CNOT6L: variants seen among roughly 807,000 people sequenced by gnomAD.
CNOT6L encodes CCR4-NOT transcription complex subunit 6-like.
In CNOT6L, 7 loss-of-function variants were observed where a neutral mutation model predicts 64.0. The observed-to-expected ratio is 0.11, with a 90% CI of 0.06 to 0.21. CNOT6L has a LOEUF of 0.21. Ranked by LOEUF, CNOT6L falls within the 10% of genes least tolerant of loss-of-function variation. The pLI is 1.00. For missense variants in CNOT6L, 245 were observed against 669.0 expected (o/e 0.37, Z 6.99); for synonymous variants, 193 against 243.4 (o/e 0.79, Z 1.93).
At chr4:77,741,767 A>G (rs781179609) in intron 8 of CNOT6L, among the ~76,000 whole-genome samples, 4 of 152,194 alleles carry the variant, frequency 2.6e-5, no homozygotes, top group African/African-American at 7.2e-5. Context: ...TCAAAAATCA[A>G]TTATTAAAAA....
intron 1 of CNOT6L, among the ~76,000 whole-genome samples, chr4:77,779,988 CTCAATT>C (rs1435122071): frequency 6.6e-6 from 1 of 152,084 alleles, no homozygotes; most frequent in Non-Finnish European, 1.5e-5. Flanking sequence ...TAACAGAGAA[CTCAATT>C]TCAGGAAATT....
intron 4 of CNOT6L, among the ~76,000 whole-genome samples, chr4:77,772,194 G>A (rs1441536941): frequency 6.6e-6 from 1 of 152,162 alleles, no homozygotes; most frequent in Non-Finnish European, 1.5e-5. Flanking sequence ...CTAAACATGA[G>A]GCATTCTGGC....
chr4:77,817,810 T>C (rs1733744100), intron 1 of CNOT6L, among the ~76,000 whole-genome samples: 1 of 152,238 alleles, frequency 6.6e-6, no homozygotes, highest in Non-Finnish European at 1.5e-5. Flanking sequence ...TCTCTGGCCA[T>C]GACACAGAGT....
intron 8 of CNOT6L, 144 bp from the exon 9 acceptor site, chr4:77,731,682 A>G (rs1481922779): frequency 5.4e-6 from 3 of 552,762 alleles, no homozygotes; most frequent in Non-Finnish European, 6.0e-6. Flanking sequence ...ACTAAGACAC[A>G]AGAAGTCTGA....
chr4:77,813,237 ACT>A (rs1045878213), intron 1 of CNOT6L, among the ~76,000 whole-genome samples: 10 of 152,244 alleles, frequency 6.6e-5, no homozygotes, highest in African/African-American at 2.4e-4. Flanking sequence ...AGGCTATAAA[ACT>A]CTCAGGACAA....
intron 4 of CNOT6L, among the ~76,000 whole-genome samples, chr4:77,759,603 A>G (rs1725950837): frequency 6.6e-6 from 1 of 151,892 alleles, no homozygotes; most frequent in African/African-American, 2.4e-5. Flanking sequence ...AGATGGGTTG[A>G]AAGAACAACC....
intron 4 of CNOT6L, among the ~76,000 whole-genome samples, chr4:77,763,172 T>C (rs767893113): frequency 1.3e-5 from 2 of 151,856 alleles, no homozygotes; most frequent in African/African-American, 2.4e-5. Flanking sequence ...ATAACAAAAA[T>C]ACCAATAATT....
In CNOT6L at chr4:77,780,333, T is replaced by C. The variant is rs192134593; in HGVS notation, c.6-3941A>G. On this transcript the variant is annotated intron_variant, in intron 1 of 11. Transcript: ENST00000504123. ...AAGAGGCAGGTTTTTGAATTAGTTT[T>C]TCCAAGAGTTTCTAATTTCTACAAC... 2.0e-5 allele frequency among the ~76,000 whole-genome samples: 3 copies of C among 152,326 alleles called. No homozygotes were observed. In the East Asian group the frequency reaches 5.8e-4, roughly 29 times the overall value.
intron 1 of CNOT6L, among the ~76,000 whole-genome samples, chr4:77,803,221 G>GA (rs540541815): frequency 1.6e-4 from 24 of 148,364 alleles, no homozygotes; most frequent in South Asian, 4.3e-4. Flanking sequence ...AAAAAAATGT[G>GA]AAAAAAAAAA....
chr4:77,760,535 C>A (rs1215372320), intron 4 of CNOT6L, among the ~76,000 whole-genome samples: 3 of 149,424 alleles, frequency 2.0e-5, no homozygotes, highest in African/African-American at 4.9e-5. Flanking sequence ...CAAATGAAAC[C>A]CAAAGCAAGC....
chr4:77,777,152 T>C (rs1728244049), intron 1 of CNOT6L, among the ~76,000 whole-genome samples: 1 of 152,244 alleles, frequency 6.6e-6, no homozygotes, highest in African/African-American at 2.4e-5. Context: ...CTAATTAGTA[T>C]GAGTACATAT....
intron 4 of CNOT6L, among the ~76,000 whole-genome samples, chr4:77,763,016 T>A (rs1726413262): frequency 6.6e-6 from 1 of 151,898 alleles, no homozygotes; most frequent in South Asian, 2.1e-4. Context: ...ATTTCAAGAA[T>A]AAACACAAGG....
At chr4:77,820,008 C>G (rs1298448438), upstream of CNOT6L, among the ~76,000 whole-genome samples, 1 of 152,070 alleles carries the variant, frequency 6.6e-6, no homozygotes, top group East Asian at 1.9e-4. Flanking sequence ...CTCCGAGAGC[C>G]ACGCAGAGCC....
At chr4:77,744,439 A>G (rs1199800887) in intron 7 of CNOT6L, among the ~76,000 whole-genome samples, 1 of 152,184 alleles carries the variant, frequency 6.6e-6, no homozygotes, top group Non-Finnish European at 1.5e-5. Flanking sequence ...AGCAATACCA[A>G]TGATCATGAG....
At chr4:77,731,750 C>T in intron 8 of CNOT6L, 1 of 434,410 alleles carries the variant, frequency 2.3e-6, no homozygotes. Context: ...TATATCCCTT[C>T]ATGCTTTTAT....
At chr4:77,732,354 A>C (rs542172868) in intron 8 of CNOT6L, among the ~76,000 whole-genome samples, 2 of 152,096 alleles carry the variant, frequency 1.3e-5, no homozygotes, top group Non-Finnish European at 2.9e-5. Flanking sequence ...TTTTCAGTCT[A>C]ATTTTATTAA....
At chr4:77,755,841 T>C (rs547532579) in intron 5 of CNOT6L, among the ~76,000 whole-genome samples, 2 of 152,242 alleles carry the variant, frequency 1.3e-5, no homozygotes, top group South Asian at 4.1e-4. Context: ...CAGAATTCTG[T>C]TATTTCAGAA....
chr4:77,751,622 A>C (rs1028545621), intron 5 of CNOT6L, among the ~76,000 whole-genome samples: 1 of 152,180 alleles, frequency 6.6e-6, no homozygotes, highest in African/African-American at 2.4e-5. Context: ...CTGAAAACTA[A>C]AGAACGAACC....
At chr4:77,761,474 A>G (rs1726220273) in intron 4 of CNOT6L, among the ~76,000 whole-genome samples, 1 of 152,240 alleles carries the variant, frequency 6.6e-6, no homozygotes, top group Non-Finnish European at 1.5e-5. Context: ...ATCATTTAAG[A>G]AAGCAGTAAC....
Sources: allele counts gnomAD v4.1 joint callset (sites outside exome capture counted in the v4.1 genomes callset), GRCh38; gene constraint gnomAD v4.1.1; transcripts MANE v1.5; gene names NCBI Gene and HGNC (gene_info 2026-07-23, HGNC 2026-07-21).